SMURF2: variants seen among roughly 807,000 people sequenced by gnomAD.
SMURF2 encodes E3 ubiquitin-protein ligase SMURF2.
A neutral mutation model predicts 109.6 loss-of-function variants in SMURF2; 48 were observed. That is an observed-to-expected ratio of 0.44 (90% CI 0.35 to 0.56). The LOEUF (loss-of-function observed/expected upper bound fraction) is 0.56. SMURF2 is among the 20% of genes least tolerant of loss of function. The probability of loss-of-function intolerance (pLI) is 0.01; values close to 1 mark genes in which losing one functional copy is unlikely to be tolerated. For synonymous variants in SMURF2, 288 were observed against 317.1 expected, an observed-to-expected ratio of 0.91 and a Z score of 0.97; for missense variants, 575 against 909.0, an observed-to-expected ratio of 0.63 and a Z score of 4.72.
At chr17:64,630,327 C>A (rs1970321359) in intron 1 of SMURF2, among the ~76,000 whole-genome samples, 1 of 152,038 alleles carries the variant, frequency 6.6e-6, no homozygotes, top group Admixed American at 6.6e-5. Flanking sequence ...TTTTAAAAGT[C>A]TTCATGCCCT....
intron 2 of SMURF2, among the ~76,000 whole-genome samples, chr17:64,599,233 G>T (rs1398483254): frequency 1.3e-5 from 2 of 152,106 alleles, no homozygotes; most frequent in Non-Finnish European, 2.9e-5. Flanking sequence ...GCACAAGGGG[G>T]TCAATTAACT....
chr17:64,640,917 C>CA (rs1189014538), intron 1 of SMURF2, among the ~76,000 whole-genome samples: 1,889 of 85,742 alleles, frequency 0.022, 27 homozygotes, highest in African/African-American at 0.063. Context: ...GACTCCATCT[C>CA]AAAAAAAAAA....
chr17:64,563,209 C>T (rs1969250050), intron 10 of SMURF2: 1 of 302,092 alleles, frequency 3.3e-6, no homozygotes. Context: ...CTTTATACAG[C>T]TTCTGAGGAC....
chr17:64,548,499 T>C (rs1297586802), intron 16 of SMURF2, among the ~76,000 whole-genome samples: 1 of 152,184 alleles, frequency 6.6e-6, no homozygotes, highest in Non-Finnish European at 1.5e-5. Flanking sequence ...GTGATTCTCC[T>C]GCCTTAGCCT....
chr17:64,661,392 G>A (rs1485681599), intron 1 of SMURF2, among the ~76,000 whole-genome samples: 3 of 152,080 alleles, frequency 2.0e-5, no homozygotes, highest in Non-Finnish European at 2.9e-5. Flanking sequence ...ACACCCTCCC[G>A]TTAAGCGCTC....
At chr17:64,597,207 C>A (rs1343217925) in intron 3 of SMURF2, among the ~76,000 whole-genome samples, 1 of 151,898 alleles carries the variant, frequency 6.6e-6, no homozygotes, top group Non-Finnish European at 1.5e-5. Flanking sequence ...AATTCAAGAC[C>A]AGACTGGGCA....
At chr17:64,562,658 G>A (rs1005313570) in intron 11 of SMURF2, 113 bp downstream of exon 11, 16 of 1,019,004 alleles carry the variant, frequency 1.6e-5, no homozygotes, top group Non-Finnish European at 2.1e-5. Context: ...GATTACAGGC[G>A]TGAGCCACCG....
chr17:64,548,029 G>C (rs1968983596), intron 16 of SMURF2, among the ~76,000 whole-genome samples: 2 of 152,140 alleles, frequency 1.3e-5, no homozygotes, highest in African/African-American at 4.8e-5. Context: ...ATTTTAAAAA[G>C]CTCCAGAGAT....
At chr17:64,557,424 C>G (rs1969138012) in intron 13 of SMURF2, among the ~76,000 whole-genome samples, 184 bp downstream of exon 13, 1 of 152,120 alleles carries the variant, frequency 6.6e-6, no homozygotes, top group African/African-American at 2.4e-5. Flanking sequence ...ATAAACATCC[C>G]TGTTTCCAAA....
intron 1 of SMURF2, among the ~76,000 whole-genome samples, chr17:64,623,208 A>C (rs1970227166): frequency 6.6e-6 from 1 of 152,182 alleles, no homozygotes; most frequent in South Asian, 2.1e-4. Flanking sequence ...ATAAAGACCC[A>C]AAATTTTCAA....
At chr17:64,565,326 G>A (rs932115095) in intron 10 of SMURF2, among the ~76,000 whole-genome samples, 1 of 152,152 alleles carries the variant, frequency 6.6e-6, no homozygotes, top group Non-Finnish European at 1.5e-5. Context: ...GTTCTGTAAG[G>A]GCTGATGTGA....
At chr17:64,636,025 T>C (rs781934769) in intron 1 of SMURF2, among the ~76,000 whole-genome samples, 1 of 152,208 alleles carries the variant, frequency 6.6e-6, no homozygotes, top group Non-Finnish European at 1.5e-5. Context: ...GGTCGTGAAG[T>C]AGTATCCCAT....
chr17:64,555,942 A>G lies in SMURF2; in HGVS notation c.1488T>C (p.His496=), dbSNP rs111735545. ...TGAAACCACCATCAATATAATGTCCATGAAACACAGCCATTCCCATTATTC... is the reference window on the plus strand; with the variant it reads ...TGAAACCACCATCAATATAATGTCCGTGAAACACAGCCATTCCCATTATTC... ...VGRIMGMAVF[H]GHYIDGGFTL... is the part of the protein sequence containing the mutation. The change falls in exon 14 of 19, where the codon CAT becomes CAC. Residue 496 remains histidine (H), a synonymous_variant. Transcript: ENST00000262435. The G allele has an allele frequency of 3.7e-6, 6 of 1,613,594 alleles. No individual in the cohort carries two copies. Among genetic ancestry groups the G allele is most frequent in the Admixed American group, 1.7e-5 (1 of 59,972 alleles).
At chr17:64,638,888 T>C (rs1352548933) in intron 1 of SMURF2, among the ~76,000 whole-genome samples, 1 of 152,184 alleles carries the variant, frequency 6.6e-6, no homozygotes, top group Admixed American at 6.5e-5. Context: ...TGTAAACATA[T>C]CCTGCTAAAA....
Position 64,581,851 on chromosome 17 carries a change from A to T in SMURF2, c.570-860T>A, listed in dbSNP as rs534656505. ...TCCCAGCTACTCGGGAGGCTGAGGT[A>T]CGAGAATTGCTTGAATCCAGGAGGC... On this transcript the variant is annotated intron_variant, in intron 7 of 18. Transcript: ENST00000262435. The surrounding 1 kb of genome is among the most constrained non-coding windows in gnomAD (Gnocchi z 4.3). 4.6e-5 allele frequency among the ~76,000 whole-genome samples: 7 copies of T among 152,112 alleles called. No individual in the cohort carries two copies. The South Asian group carries it at 8.3e-4, about 18-fold the overall frequency.
At position 64,546,277 on chromosome 17, in the gene SMURF2, C is replaced by A; in HGVS notation, c.2133G>T (p.Pro711=). The change falls in exon 18 of 19, where the codon CCG becomes CCT. Residue 711 remains proline (P), a synonymous_variant. Coordinates refer to ENST00000262435, the MANE Select transcript of SMURF2 (RefSeq NM_022739.4). ...HQIDACTNNL[P]KAHTCFNRID... ...AAATACCTTACCAAGTGTGGGCTTT[C>A]GGCAGGTTGTTAGTGCAGGCATCAA... The A allele has an allele frequency of 1.9e-6, 3 of 1,614,024 alleles. No homozygotes were observed. Among genetic ancestry groups the A allele is most frequent in the Non-Finnish European group, 2.5e-6 (3 of 1,179,956 alleles).
chr17:64,575,708 G>GAA (rs1266007457), intron 9 of SMURF2, among the ~76,000 whole-genome samples: 1 of 149,670 alleles, frequency 6.7e-6, no homozygotes, highest in Non-Finnish European at 1.5e-5. Context: ...CTTTAGGCAG[G>GAA]AAAAAAAAAC....
rs59701513 is a variant in SMURF2 at position 64,637,923 on chromosome 17, CAAAAAAA to C, written c.52+23899_52+23905del. Among the ~76,000 whole-genome samples, 35 of 72,558 alleles carry C rather than the reference CAAAAAAA, an allele frequency of 4.8e-4. 2 individuals carry two copies. In the East Asian group the frequency reaches 7.7e-3, roughly 16 times the overall value. 47.6% of individuals were successfully genotyped at this position (72,558 alleles called of 152,430 possible). A position where few individuals can be genotyped will look rare whatever the true frequency, so the allele number is the denominator to read the frequency against. ...CATTGAATGGTTTTGGCGCCCTAGT[CAAAAAAA>C]AAAAAAAAAAAAATCAACTGACCAC... On this transcript the variant is annotated intron_variant, in intron 1 of 18. Transcript: ENST00000262435.
chr17:64,648,721 A>G (rs1555693211), intron 1 of SMURF2, among the ~76,000 whole-genome samples: 2 of 152,194 alleles, frequency 1.3e-5, no homozygotes, highest in Non-Finnish European at 2.9e-5. Context: ...ATAGTGAGCC[A>G]TAAGCCTGAG....
Sources: allele counts gnomAD v4.1 joint callset (sites outside exome capture counted in the v4.1 genomes callset), GRCh38; gene constraint gnomAD v4.1.1; non-coding constraint Gnocchi (gnomAD v3.1); transcripts MANE v1.5; gene names NCBI Gene and HGNC (gene_info 2026-07-23, HGNC 2026-07-21).